SIPA1L2: variants seen among roughly 807,000 people sequenced by gnomAD.
The protein encoded by SIPA1L2 is signal-induced proliferation-associated 1-like protein 2.
In SIPA1L2, 56 loss-of-function variants were observed where a neutral mutation model predicts 163.9. That is an observed-to-expected ratio of 0.34 (90% CI 0.28 to 0.43). The LOEUF (loss-of-function observed/expected upper bound fraction) is 0.43. SIPA1L2 is among the 20% of genes least tolerant of loss of function. The pLI is 1.00. For missense variants in SIPA1L2, 1,974 were observed against 2,193.5 expected, an observed-to-expected ratio of 0.90 and a Z score of 2.00; for synonymous variants, 877 against 865.7, an observed-to-expected ratio of 1.01 and a Z score of -0.23.
intron 16 of SIPA1L2, among the ~76,000 whole-genome samples, chr1:232,428,895 C>A (rs1273815908): frequency 6.6e-6 from 1 of 152,122 alleles, no homozygotes; most frequent in Non-Finnish European, 1.5e-5. Context: ...TTCAATAATT[C>A]ATCAGAGATG....
chr1:232,414,980 A>G (rs1661163710), intron 19 of SIPA1L2, among the ~76,000 whole-genome samples: 1 of 152,194 alleles, frequency 6.6e-6, no homozygotes, highest in South Asian at 2.1e-4. Flanking sequence ...TCACTGACCC[A>G]CATTTTAAGA....
chr1:232,460,763 C>T (rs1664190251), intron 10 of SIPA1L2, 124 bp downstream of exon 10: 2 of 1,199,040 alleles, frequency 1.7e-6, no homozygotes, highest in Admixed American at 5.4e-5. Flanking sequence ...GAGTGACATC[C>T]CAGAACACTG....
intron 2 of SIPA1L2, among the ~76,000 whole-genome samples, chr1:232,548,430 C>A (rs1658176946): frequency 6.6e-6 from 1 of 152,114 alleles, no homozygotes; most frequent in Non-Finnish European, 1.5e-5. Context: ...AGTGTGAAAC[C>A]CAGAGTATCT....
rs1345760482 is a variant in SIPA1L2 at position 232,445,683 on chromosome 1, G to A, written c.3199C>T (p.His1067Tyr). ...KTPFRRNTTW[H>Y]RVPTPALQPL... ...TGCAGGGCAGGAGTGGGCACCCGGT[G>A]CCACGTGGTGTTCCTCCTGAAGGGG... Residue 1067 changes from histidine to tyrosine, a missense_variant, in exon 11 of 23, where the codon CAC (histidine) becomes TAC (tyrosine). Physicochemically the swap from His to Tyr is moderately conservative, Grantham distance 83 (BLOSUM62 2). Around this residue, in one of 3 missense-constraint regions of SIPA1L2, gnomAD observed 1,079 missense variants for 1,150.7 expected, o/e 0.94. Transcript: ENST00000674635. 6.2e-7 allele frequency: 1 copy of A among 1,613,410 alleles called. No homozygotes were observed. Among genetic ancestry groups the A allele is most frequent in the Non-Finnish European group, 8.5e-7 (1 of 1,179,734 alleles).
intron 17 of SIPA1L2, 65 bp downstream of exon 17, chr1:232,428,346 T>C (rs1444835834): frequency 9.9e-6 from 13 of 1,311,456 alleles, no homozygotes; most frequent in Admixed American, 2.9e-5. Context: ...TGAGTTTCTT[T>C]AGACTTTTTT....
At chr1:232,600,972 A>G (rs1305336749) in intron 1 of SIPA1L2, among the ~76,000 whole-genome samples, 1 of 152,226 alleles carries the variant, frequency 6.6e-6, no homozygotes, top group Non-Finnish European at 1.5e-5. Flanking sequence ...CTCTTCCCAA[A>G]GGTAGAATGA....
chr1:232,599,957 A>T (rs939231191), intron 1 of SIPA1L2, among the ~76,000 whole-genome samples: 1 of 152,242 alleles, frequency 6.6e-6, no homozygotes, highest in African/African-American at 2.4e-5. Context: ...AAAATTTAGC[A>T]ACTAATTTAC....
intron 2 of SIPA1L2, among the ~76,000 whole-genome samples, chr1:232,541,236 A>ATCACATAACAT (rs1553309762): frequency 8.2e-4 from 114 of 138,894 alleles, no homozygotes; most frequent in Non-Finnish European, 1.3e-3. Context: ...ATCACATCAC[A>ATCACATAACAT]TAACATAACA....
chr1:232,408,587 G>T (rs1309653885), intron 19 of SIPA1L2, among the ~76,000 whole-genome samples: 2 of 152,124 alleles, frequency 1.3e-5, no homozygotes, highest in African/African-American at 4.8e-5. Context: ...TATTCAAAAA[G>T]TGTGAGCTGG....
intron 10 of SIPA1L2, among the ~76,000 whole-genome samples, chr1:232,457,222 C>T (rs1663969895): frequency 3.3e-5 from 5 of 152,182 alleles, no homozygotes; most frequent in Non-Finnish European, 7.3e-5. Flanking sequence ...AACCAAACAC[C>T]TTTTGACCTG....
chr1:232,592,136 A>G (rs1661001124), intron 1 of SIPA1L2, among the ~76,000 whole-genome samples: 1 of 146,104 alleles, frequency 6.8e-6, no homozygotes, highest in Middle Eastern at 3.2e-3. Flanking sequence ...GAGAAAAGAG[A>G]GGAAAAAAAT....
intron 10 of SIPA1L2, among the ~76,000 whole-genome samples, chr1:232,453,586 C>G (rs970890615): frequency 2.6e-5 from 4 of 152,196 alleles, no homozygotes; most frequent in East Asian, 1.9e-4. Context: ...CATACATCAT[C>G]TGACTTTCAC....
chr1:232,550,862 A>T (rs1288676714), intron 2 of SIPA1L2, among the ~76,000 whole-genome samples: 1 of 152,194 alleles, frequency 6.6e-6, no homozygotes, highest in Non-Finnish European at 1.5e-5. Context: ...AATGGAAAAA[A>T]GGGGGAAGAG....
At chr1:232,609,144 T>G (rs988689187) in intron 1 of SIPA1L2, among the ~76,000 whole-genome samples, 1 of 152,192 alleles carries the variant, frequency 6.6e-6, no homozygotes, top group African/African-American at 2.4e-5. Context: ...GTGAGTCACA[T>G]GACTAATTAA....
chr1:232,431,853 A>G (rs1662264152), intron 16 of SIPA1L2, among the ~76,000 whole-genome samples: 1 of 152,196 alleles, frequency 6.6e-6, no homozygotes, highest in Non-Finnish European at 1.5e-5. Context: ...GTCATGCTAA[A>G]ATTAAGAAAA....
chr1:232,557,015 G>A (rs552670390), intron 2 of SIPA1L2, among the ~76,000 whole-genome samples: 1 of 152,236 alleles, frequency 6.6e-6, no homozygotes, highest in South Asian at 2.1e-4. Context: ...CCCAACAAAA[G>A]TAAATTTTTA....
intron 1 of SIPA1L2, among the ~76,000 whole-genome samples, chr1:232,628,041 T>C (rs1663174412): frequency 6.6e-6 from 1 of 152,228 alleles, no homozygotes; most frequent in Non-Finnish European, 1.5e-5. Flanking sequence ...AATTTCAAGA[T>C]ATTTACTCAG....
At chr1:232,579,161 CAAAAGAAAGTTCTGAGA>C (rs557845661) in intron 1 of SIPA1L2, among the ~76,000 whole-genome samples, 1 of 152,228 alleles carries the variant, frequency 6.6e-6, no homozygotes, top group Admixed American at 6.5e-5. Flanking sequence ...GTTTTCTCCG[CAAAAGAAAGTTCTGAGA>C]AAGTGAAGGC....
At chr1:232,538,705 C>A (rs1657460831) in intron 2 of SIPA1L2, among the ~76,000 whole-genome samples, 1 of 150,946 alleles carries the variant, frequency 6.6e-6, no homozygotes, top group Admixed American at 6.6e-5. Flanking sequence ...CCACTATACA[C>A]ACATGTGCTT....
Sources: allele counts gnomAD v4.1 joint callset (sites outside exome capture counted in the v4.1 genomes callset), GRCh38; gene constraint gnomAD v4.1.1; regional missense constraint gnomAD v4.1.1; transcripts MANE v1.5; gene names NCBI Gene and HGNC (gene_info 2026-07-23, HGNC 2026-07-21).